The following KCNG3 variants were observed in gnomAD, a reference collection of about 807,000 sequenced individuals.
KCNG3 encodes potassium voltage-gated channel modifier subfamily G member 3.
A neutral mutation model predicts 29.0 loss-of-function variants in KCNG3; 15 were observed. The ratio of observed to expected loss-of-function variants is 0.52; its 90% CI spans 0.35 to 0.80. The LOEUF (loss-of-function observed/expected upper bound fraction) is 0.80, where lower values mean the gene tolerates loss of function less well. KCNG3 is among the 30% of genes least tolerant of loss of function. KCNG3 has a pLI of 0.01. For missense variants in KCNG3, 512 were observed against 605.7 expected (o/e 0.85, Z 1.62); for synonymous variants, 322 against 248.9 (o/e 1.29, Z -2.76).
intron 1 of KCNG3, among the ~76,000 whole-genome samples, chr2:42,484,227 C>T (rs1241221644): frequency 1.3e-5 from 2 of 151,492 alleles, no homozygotes; most frequent in South Asian, 2.1e-4. Flanking sequence ...TTTGGGAGGC[C>T]GAGGAGGGTG....
intron 1 of KCNG3, among the ~76,000 whole-genome samples, chr2:42,478,709 A>G (rs1673504055): frequency 6.6e-6 from 1 of 152,120 alleles, no homozygotes; most frequent in South Asian, 2.1e-4. Context: ...CAGCGGCACC[A>G]TCTCACCTTC....
chr2:42,457,640 C>CACACACACACAT (rs1672911643), intron 1 of KCNG3, among the ~76,000 whole-genome samples: 2 of 148,652 alleles, frequency 1.3e-5, no homozygotes, highest in Non-Finnish European at 3.0e-5. Context: ...CACACACACA[C>CACACACACACAT]ACACACACAC....
At chr2:42,466,345 G>A (rs1419669597) in intron 1 of KCNG3, among the ~76,000 whole-genome samples, 2 of 152,164 alleles carry the variant, frequency 1.3e-5, no homozygotes, top group Non-Finnish European at 2.9e-5. Context: ...GGCGGAGGTT[G>A]CAGTGAGCCA....
downstream of KCNG3, among the ~76,000 whole-genome samples, chr2:42,437,806 T>C (rs369764119): frequency 6.6e-6 from 1 of 151,800 alleles, no homozygotes. Flanking sequence ...GGCATGTTGG[T>C]GGGCGCCTGT....
the KCNG3 span, among the ~76,000 whole-genome samples, chr2:42,404,592 C>A: frequency 6.6e-6 from 1 of 151,940 alleles, no homozygotes; most frequent in Non-Finnish European, 1.5e-5. Flanking sequence ...AGCCGGGCGT[C>A]GTGGCACACA....
rs542799568 is a variant in KCNG3, at chr2:42,480,145, T to C, written c.665+12692A>G. ...ACTATCATGATTCAATAAGTTCTAATTATTGTTTAGTACTTTGGGGAAATA... is the reference window on the plus strand; with the variant it reads ...ACTATCATGATTCAATAAGTTCTAACTATTGTTTAGTACTTTGGGGAAATA... On this transcript the variant is annotated intron_variant, in intron 1 of 1. Transcript: ENST00000306078. Among the ~76,000 whole-genome samples, 5 of 152,344 alleles carry C rather than the reference T, an allele frequency of 3.3e-5. No homozygotes were observed. The East Asian group carries it at 5.8e-4, about 18-fold the overall frequency.
chr2:42,434,458 CAAAAAAAAAAA>C, the KCNG3 span, among the ~76,000 whole-genome samples: 7 of 31,242 alleles, frequency 2.2e-4, 1 homozygote, highest in African/African-American at 6.0e-4. Context: ...GACACTGTCT[CAAAAAAAAAAA>C]AAAAAAAAAA....
Position 42,493,102 on chromosome 2 carries a change from C to G in KCNG3, c.400G>C (p.Val134Leu), listed in dbSNP as rs897014411. 1 of 1,585,876 alleles carries G rather than the reference C, an allele frequency of 6.3e-7. No homozygotes were observed. Among genetic ancestry groups the G allele is most frequent in the Non-Finnish European group, 8.5e-7 (1 of 1,170,534 alleles). Residue 134 changes from valine to leucine, a missense_variant, in exon 1 of 2, where the codon GTG (valine) becomes CTG (leucine). By Grantham distance (32) the Val-to-Leu change is conservative. Around this residue, in one of 5 missense-constraint regions of KCNG3, gnomAD observed 228 missense variants for 200.0 expected, o/e 1.14. Coordinates refer to ENST00000306078, the MANE Select transcript of KCNG3 (RefSeq NM_133329.6). ...YTFYSADEPG[V>L]LGRDEARPGG... ...GGGCGCGCCTCGTCGCGGCCCAGCACGCCCGGCTCGTCGGCCGAGTAGAAG... is the reference window on the plus strand; with the variant it reads ...GGGCGCGCCTCGTCGCGGCCCAGCAGGCCCGGCTCGTCGGCCGAGTAGAAG...
At chr2:42,409,504 G>C in the KCNG3 span, among the ~76,000 whole-genome samples, 1 of 151,806 alleles carries the variant, frequency 6.6e-6, no homozygotes, top group Non-Finnish European at 1.5e-5. Context: ...AGGAGTTTGA[G>C]ACCAGCACAG....
downstream of KCNG3, among the ~76,000 whole-genome samples, chr2:42,439,526 G>A (rs1477018001): frequency 2.0e-5 from 3 of 151,044 alleles, no homozygotes; most frequent in Non-Finnish European, 4.4e-5. Flanking sequence ...GCCTCCCAAA[G>A]TGCTGGGATT....
intron 1 of KCNG3, among the ~76,000 whole-genome samples, chr2:42,468,260 T>C (rs1182497556): frequency 1.3e-5 from 2 of 152,190 alleles, no homozygotes; most frequent in African/African-American, 4.8e-5. Context: ...ACTGTCTACA[T>C]TACAACAAAA....
chr2:42,457,627 TCACA>T lies in KCNG3; in HGVS notation c.666-13052_666-13049del, dbSNP rs56251665. Among the ~76,000 whole-genome samples, 1,164 of 125,502 alleles carry T rather than the reference TCACA, an allele frequency of 9.3e-3. 22 individuals are homozygous for T. Among genetic ancestry groups the T allele is most frequent in the East Asian group, 0.037 (156 of 4,262 alleles). The allele number at this position is 125,502 out of a possible 152,430, so 82.3% of individuals were successfully genotyped here. A position where few individuals can be genotyped will look rare whatever the true frequency, so the allele number is the denominator to read the frequency against. On this transcript the variant is annotated intron_variant, in intron 1 of 1. Transcript: ENST00000306078. ...TTTGGGAGGCCGAGGCAGGCAGATC[TCACA>T]CACACACACACACACACACACACAC... is the stretch of plus-strand genomic sequence containing the variant.
chr2:42,449,416 G>C (rs1182273912), intron 1 of KCNG3, among the ~76,000 whole-genome samples: 4 of 150,422 alleles, frequency 2.7e-5, no homozygotes, highest in Admixed American at 1.3e-4. Context: ...GCAAAGTTGA[G>C]TGGTCATGAC....
At chr2:42,471,084 C>T (rs1183586661) in intron 1 of KCNG3, among the ~76,000 whole-genome samples, 2 of 150,630 alleles carry the variant, frequency 1.3e-5, no homozygotes, top group East Asian at 3.9e-4. Flanking sequence ...CCTAGGGCTT[C>T]AAGGCTGCAG....
chr2:42,427,127 TATATAAGGCTACCTTTG>T, the KCNG3 span, among the ~76,000 whole-genome samples: 2 of 152,214 alleles, frequency 1.3e-5, no homozygotes, highest in Non-Finnish European at 1.5e-5. Flanking sequence ...AGGCTCTCCA[TATATAAGGCTACCTTTG>T]ATATAAGGCT....
chr2:42,406,021 G>A, the KCNG3 span, among the ~76,000 whole-genome samples: 973 of 152,124 alleles, frequency 6.4e-3, 7 homozygotes, highest in Non-Finnish European at 9.4e-3. Flanking sequence ...GGGATTACAG[G>A]CGTGAGCCAC....
the KCNG3 span, among the ~76,000 whole-genome samples, chr2:42,432,036 CAAAAAAAAA>C: frequency 9.7e-5 from 11 of 113,646 alleles, no homozygotes; most frequent in South Asian, 3.1e-4. Flanking sequence ...AAGACTCTAT[CAAAAAAAAA>C]AAAAAAAAAA....
Position 42,470,995 on chromosome 2 carries a change from T to C in KCNG3, c.665+21842A>G, listed in dbSNP as rs138701099. 2.8e-3 allele frequency among the ~76,000 whole-genome samples: 432 copies of C among 152,080 alleles called. 2 individuals carry two copies. Among genetic ancestry groups the C allele is most frequent in the African/African-American group, 1.0e-2 (414 of 41,472 alleles). On this transcript the variant is annotated intron_variant, in intron 1 of 1. Coordinates refer to ENST00000306078, the MANE Select transcript of KCNG3 (RefSeq NM_133329.6). Reference sequence around the variant, plus strand: ...AGTGAGATCCTAACTCTACAAAAAATGTTTAAATTAGCCAGGCGTGGTGGT... The same window carrying C: ...AGTGAGATCCTAACTCTACAAAAAACGTTTAAATTAGCCAGGCGTGGTGGT...
At chr2:42,446,979 A>C (rs10197818) in intron 1 of KCNG3, among the ~76,000 whole-genome samples, 2 of 151,566 alleles carry the variant, frequency 1.3e-5, no homozygotes, top group South Asian at 4.2e-4. Context: ...CCTCTCTACA[A>C]AAAATGAGGC....
Sources: gnomAD v4.1 joint callset for allele counts (sites outside exome capture counted in the v4.1 genomes callset) on GRCh38, gnomAD v4.1.1 for gene constraint, gnomAD v4.1.1 regional missense constraint, MANE v1.5 for transcripts, NCBI Gene and HGNC (gene_info 2026-07-23, HGNC 2026-07-21) for gene names.